Variants in HDAC10 observed in about 807,000 individuals in gnomAD.
The protein encoded by HDAC10 is histone deacetylase 10.
HDAC10 carries 90 observed loss-of-function variants against 82.3 expected under a neutral mutation model. The observed-to-expected ratio is 1.09, with a 90% confidence interval of 0.92 to 1.30. The LOEUF (loss-of-function observed/expected upper bound fraction) is 1.30. Among genes scored for constraint, HDAC10 ranks in the 50% most tolerant of loss-of-function variants. The pLI is 0.00. For synonymous variants in HDAC10, 456 were observed against 391.7 expected, an observed-to-expected ratio of 1.16 and a Z score of -1.94; for missense variants, 934 against 876.3, an observed-to-expected ratio of 1.07 and a Z score of -0.83.
In HDAC10 at chr22:50,249,964, C is replaced by T. The variant is rs1170641017; in HGVS notation, c.390G>A (p.Arg130=). 1.2e-6 allele frequency: 2 copies of T among 1,612,452 alleles called. No individual in the cohort carries two copies. Among genetic ancestry groups the T allele is most frequent in the Non-Finnish European group, 1.7e-6 (2 of 1,179,724 alleles). Reference sequence around the variant, plus strand: ...CCCTCTGGCCATGGTGCCCGGGAGGCCTACGGCGTGAGAGTAGGATTTGGG... The same window carrying T: ...CCCTCTGGCCATGGTGCCCGGGAGGTCTACGGCGTGAGAGTAGGATTTGGG... ...GAVQNGLALV[R]PPGHHGQRAA... Residue 130 remains arginine (R), a splice_region_variant and synonymous_variant, in exon 5 of 20, where the codon AGG becomes AGA. Transcript: ENST00000216271. The surrounding 1 kb of genome is among the most constrained non-coding windows in gnomAD (Gnocchi z 4.4).
At position 50,250,511 on chromosome 22, in the gene HDAC10, T is replaced by G. The variant is rs1468256646; in HGVS notation, c.207A>C (p.Val69=). Residue 69 remains valine (V), a synonymous_variant, in exon 3 of 20, where the codon GTA becomes GTC. Coordinates refer to ENST00000216271, the MANE Select transcript of HDAC10 (RefSeq NM_032019.6). ...ELGLVHSPEY[V]SLVRETQVLG... ...GGACCTGGGTCTCCCTGACCAGGGATACATACTCTGGGCTGCATGCAGATG... is the reference window on the plus strand; with the variant it reads ...GGACCTGGGTCTCCCTGACCAGGGAGACATACTCTGGGCTGCATGCAGATG... The G allele has an allele frequency of 7.4e-6, 12 of 1,612,064 alleles. No homozygotes were observed. The highest frequency in any genetic ancestry group is 8.5e-6 in the Non-Finnish European group (10 of 1,179,548).
chr22:50,249,778 G>T lies in HDAC10; in HGVS notation c.495-75C>A. The T allele has an allele frequency of 1.2e-6, 2 of 1,604,768 alleles. No individual in the cohort carries two copies. Among genetic ancestry groups the T allele is most frequent in the Non-Finnish European group, 8.5e-7 (1 of 1,174,230 alleles). On this transcript the variant is annotated intron_variant, in intron 5 of 19. Transcript: ENST00000216271. The surrounding 1 kb of genome is among the most constrained non-coding windows in gnomAD (Gnocchi z 4.4). ...GGAGCCCGGCCAGGGATGGGAAGGT[G>T]CTGGCTGGGTTCTCTCGCCTCCTGC...
rs1360572562 is a variant in HDAC10, at chr22:50,248,358, C to T, written c.1013+8G>A. On this transcript the variant is annotated splice_region_variant and intron_variant, in intron 11 of 19. Transcript: ENST00000216271. This position sits in a 1 kb window ranked among gnomAD's most constrained non-coding sequence, Gnocchi z 5.4. ...CCCCGGCCCTGCCCGCCCTACCTCCCCTCGCACCTCTGACATGGCGCCATT... is the reference window on the plus strand; with the variant it reads ...CCCCGGCCCTGCCCGCCCTACCTCCTCTCGCACCTCTGACATGGCGCCATT... 1.9e-6 allele frequency: 3 copies of T among 1,611,168 alleles called. No individual in the cohort carries two copies. Among genetic ancestry groups the T allele is most frequent in the Non-Finnish European group, 2.5e-6 (3 of 1,179,852 alleles).
chr22:50,245,620 C>T, intron 19 of HDAC10, 55 bp downstream of exon 19: 1 of 1,610,414 alleles, frequency 6.2e-7, no homozygotes. Context: ...CCCCACCGAT[C>T]TGTGCGGCAG....
Position 50,249,802 on chromosome 22 carries a change from G to C in HDAC10, c.494+58C>G. On this transcript the variant is annotated intron_variant, in intron 5 of 19. Transcript: ENST00000216271. The surrounding 1 kb of genome is among the most constrained non-coding windows in gnomAD (Gnocchi z 4.4). Reference sequence around the variant, plus strand: ...TGCTGGCTGGGTTCTCTCGCCTCCTGCGCTGCCCCTTGCTGTGTGGCCTGG... The same window carrying C: ...TGCTGGCTGGGTTCTCTCGCCTCCTCCGCTGCCCCTTGCTGTGTGGCCTGG... 3 of 1,602,208 alleles carry C rather than the reference G, an allele frequency of 1.9e-6. No homozygotes were observed. The highest frequency in any genetic ancestry group is 2.6e-6 in the Non-Finnish European group (3 of 1,172,166).
chr22:50,250,186 C>A, intron 3 of HDAC10, 26 bp from the exon 4 acceptor site: 1 of 1,590,356 alleles, frequency 6.3e-7, no homozygotes, highest in African/African-American at 1.3e-5. Context: ...CGCAGATGAG[C>A]CCCCTGCCTT....
chr22:50,249,559 C>A lies in HDAC10; in HGVS notation c.563+76G>T. Reference sequence around the variant, plus strand: ...CTGAGCACATGTCTGTATCTCACCCCTGGATTTTCCCAGGCCAGGCTGTGC... The same window carrying A: ...CTGAGCACATGTCTGTATCTCACCCATGGATTTTCCCAGGCCAGGCTGTGC... On this transcript the variant is annotated intron_variant, in intron 6 of 19. Transcript: ENST00000216271. The surrounding 1 kb of genome is among the most constrained non-coding windows in gnomAD (Gnocchi z 4.4). 6.2e-7 allele frequency: 1 copy of A among 1,607,296 alleles called. No individual in the cohort carries two copies. The highest frequency in any genetic ancestry group is 8.5e-7 in the Non-Finnish European group (1 of 1,175,626).
chr22:50,249,492 G>A lies in HDAC10; in HGVS notation c.564-38C>T, dbSNP rs1569136396. 1 of 1,611,684 alleles carries A rather than the reference G, an allele frequency of 6.2e-7. No individual in the cohort carries two copies. Among genetic ancestry groups the A allele is most frequent in the Non-Finnish European group, 8.5e-7 (1 of 1,179,318 alleles). ...AGCCAGGGCCAGAGGTCAAAGGTCA[G>A]GACCCTCAACAGCTCTACAGCTCCC... On this transcript the variant is annotated intron_variant, in intron 6 of 19. Coordinates refer to ENST00000216271, the MANE Select transcript of HDAC10 (RefSeq NM_032019.6). The surrounding 1 kb of genome is among the most constrained non-coding windows in gnomAD (Gnocchi z 4.4).
At chr22:50,246,518 G>T in intron 16 of HDAC10, 142 bp from the exon 17 acceptor site, 1 of 1,011,908 alleles carries the variant, frequency 9.9e-7, no homozygotes, top group Non-Finnish European at 1.5e-6. Context: ...GACCCACCTG[G>T]CATTGCCTCC....
Position 50,249,804 on chromosome 22 carries a change from G to A in HDAC10, c.494+56C>T, listed in dbSNP as rs935626545. ...CTGGCTGGGTTCTCTCGCCTCCTGC[G>A]CTGCCCCTTGCTGTGTGGCCTGGGC... is the stretch of plus-strand genomic sequence containing the variant. On this transcript the variant is annotated intron_variant, in intron 5 of 19. Coordinates refer to ENST00000216271, the MANE Select transcript of HDAC10 (RefSeq NM_032019.6). This position sits in a 1 kb window ranked among gnomAD's most constrained non-coding sequence, Gnocchi z 4.4. The A allele has an allele frequency of 1.6e-5, 26 of 1,599,694 alleles. No homozygotes were observed. The African/African-American group carries it at 2.1e-4, about 13-fold the overall frequency.
chr22:50,251,179 G>T lies in HDAC10; in HGVS notation c.-147C>A. ...GGCGGGCACCGGCCTGGGCGGGAGC[G>T]CACAGAACCTAGGCAGGCTCCGGGA... On this transcript the variant is annotated 5_prime_UTR_variant, in exon 1 of 20. Coordinates refer to ENST00000216271, the MANE Select transcript of HDAC10 (RefSeq NM_032019.6). 1 of 758,268 alleles carries T rather than the reference G, an allele frequency of 1.3e-6. No individual in the cohort carries two copies. The highest frequency in any genetic ancestry group is 2.1e-6 in the Non-Finnish European group (1 of 474,882). 47.0% of individuals were successfully genotyped at this position (758,268 alleles called of 1,614,324 possible).
At position 50,249,053 on chromosome 22, in the gene HDAC10, A is replaced by C; in HGVS notation, c.756+50T>G. ...GCCTTCACTGGCGCACTCCAGGCAC[A>C]AGGTCCCCCTCCCACCCGGCTGCCC... On this transcript the variant is annotated intron_variant, in intron 8 of 19. Coordinates refer to ENST00000216271, the MANE Select transcript of HDAC10 (RefSeq NM_032019.6). This position sits in a 1 kb window ranked among gnomAD's most constrained non-coding sequence, Gnocchi z 4.4. 6.6e-7 allele frequency: 1 copy of C among 1,509,326 alleles called. No homozygotes were observed. The highest frequency in any genetic ancestry group is 1.2e-5 in the South Asian group (1 of 83,970). 93.5% of individuals were successfully genotyped at this position (1,509,326 alleles called of 1,614,324 possible). A position where few individuals can be genotyped will look rare whatever the true frequency, so the allele number is the denominator to read the frequency against.
chr22:50,246,400 T>C (rs766615691), intron 16 of HDAC10, 24 bp from the exon 17 acceptor site: 28 of 1,589,394 alleles, frequency 1.8e-5, no homozygotes, highest in Non-Finnish European at 2.3e-5. Context: ...GGTGCATAAG[T>C]GTAAGGCCCT....
At position 50,248,332 on chromosome 22, in the gene HDAC10, A is replaced by G. The variant is rs535561153; in HGVS notation, c.1013+34T>C. The G allele has an allele frequency of 1.9e-6, 3 of 1,611,404 alleles. No homozygotes were observed. In the African/African-American group the frequency reaches 4.0e-5, roughly 22 times the overall value. On this transcript the variant is annotated intron_variant, in intron 11 of 19. Transcript: ENST00000216271. The surrounding 1 kb of genome is among the most constrained non-coding windows in gnomAD (Gnocchi z 5.4). ...CAACAGTCGTGACACCTGGTCTCAC[A>G]CCCCGGCCCTGCCCGCCCTACCTCC...
intron 19 of HDAC10, 34 bp from the exon 20 acceptor site, chr22:50,245,564 G>T (rs762908603): frequency 2.2e-6 from 3 of 1,362,804 alleles, no homozygotes; most frequent in African/African-American, 2.9e-5. Context: ...CGCGCAGTTG[G>T]CCTCCGGCGC....
At chr22:50,245,598 C>T in intron 19 of HDAC10, 68 bp from the exon 20 acceptor site, 2 of 1,577,432 alleles carry the variant, frequency 1.3e-6, no homozygotes, top group East Asian at 4.5e-5. Flanking sequence ...GGGCACTCCC[C>T]TGCCCTGCCC....
At position 50,248,599 on chromosome 22, in the gene HDAC10, C is replaced by T; in HGVS notation, c.906+63G>A. ...CCAAATACCCCGTGGGCACCTGGCT[C>T]CCATGCTCCTGACCCCCAGGCCTCT... On this transcript the variant is annotated intron_variant, in intron 10 of 19. Transcript: ENST00000216271. This position sits in a 1 kb window ranked among gnomAD's most constrained non-coding sequence, Gnocchi z 5.4. 6.8e-7 allele frequency: 1 copy of T among 1,473,158 alleles called. No individual in the cohort carries two copies. Among genetic ancestry groups the T allele is most frequent in the Non-Finnish European group, 9.0e-7 (1 of 1,106,380 alleles). The allele number at this position is 1,473,158 out of a possible 1,614,324, so 91.3% of individuals were successfully genotyped here.
chr22:50,249,839 T>C lies in HDAC10; in HGVS notation c.494+21A>G. On this transcript the variant is annotated intron_variant, in intron 5 of 19. Transcript: ENST00000216271. This position sits in a 1 kb window ranked among gnomAD's most constrained non-coding sequence, Gnocchi z 4.4. ...GCTGTGTGGCCTGGGCCCACCCCCCTGCAGCCAGCCTGGCACACACCTGTG... is the reference window on the plus strand; with the variant it reads ...GCTGTGTGGCCTGGGCCCACCCCCCCGCAGCCAGCCTGGCACACACCTGTG... 6.2e-7 allele frequency: 1 copy of C among 1,609,044 alleles called. No homozygotes were observed. Among genetic ancestry groups the C allele is most frequent in the Non-Finnish European group, 8.5e-7 (1 of 1,177,062 alleles).
Position 50,251,188 on chromosome 22 carries a change from CT to C in HDAC10, c.-157del. On this transcript the variant is annotated 5_prime_UTR_variant, in exon 1 of 20. Coordinates refer to ENST00000216271, the MANE Select transcript of HDAC10 (RefSeq NM_032019.6). The stretch of plus-strand genomic sequence containing the variant: ...CGGCCTGGGCGGGAGCGCACAGAAC[CT>C]AGGCAGGCTCCGGGATCCCAGGCGC... The C allele has an allele frequency of 1.5e-6, 1 of 680,294 alleles. No individual in the cohort carries two copies. Among genetic ancestry groups the C allele is most frequent in the Non-Finnish European group, 2.4e-6 (1 of 416,158 alleles). 42.1% of individuals were successfully genotyped at this position (680,294 alleles called of 1,614,324 possible).
Sources: allele counts gnomAD v4.1 joint callset, GRCh38; gene constraint gnomAD v4.1.1; non-coding constraint Gnocchi (gnomAD v3.1); transcripts MANE v1.5; gene names NCBI Gene and HGNC (gene_info 2026-07-23, HGNC 2026-07-21).